MON2: variants seen among roughly 807,000 people sequenced by gnomAD.
The protein encoded by MON2 is MON2 regulator of endosome-to-Golgi trafficking.
Under a neutral mutation model 208.6 loss-of-function variants are expected in MON2, and 84 were observed. The ratio of observed to expected loss-of-function variants is 0.40; its 90% CI spans 0.34 to 0.48. The LOEUF (loss-of-function observed/expected upper bound fraction) is 0.48. Ranked by LOEUF, MON2 falls within the 20% of genes least tolerant of loss-of-function variation. MON2 has a pLI of 0.59. For missense variants in MON2, 1,611 were observed against 2,015.4 expected, an observed-to-expected ratio of 0.80 and a Z score of 3.84; for synonymous variants, 660 against 694.0, an observed-to-expected ratio of 0.95 and a Z score of 0.77.
intron 6 of MON2, 130 bp downstream of exon 6, chr12:62,501,010 A>G: frequency 2.0e-6 from 1 of 494,014 alleles, no homozygotes. Context: ...GTATTAAGAT[A>G]GTTCTAAAGA....
intron 11 of MON2, among the ~76,000 whole-genome samples, chr12:62,528,787 T>C (rs568797820): frequency 6.6e-6 from 1 of 152,334 alleles, no homozygotes; most frequent in South Asian, 2.1e-4. Context: ...CAAAGGCTAA[T>C]TGGCCTGGGA....
rs2073316006 is a variant in MON2, at chr12:62,543,153, C to A, written c.2421C>A (p.His807Gln). The A allele has an allele frequency of 6.3e-7, 1 of 1,575,318 alleles. No homozygotes were observed. Among genetic ancestry groups the A allele is most frequent in the Non-Finnish European group, 8.6e-7 (1 of 1,165,574 alleles). Reference protein sequence around the residue: ...KLLETGLVNMHRIEILWRPLT... With the variant: ...KLLETGLVNMQRIEILWRPLT... ...TAGAAACTGGTTTAGTTAATATGCA[C>A]CGAATAGAAATTCTGTGGAGACCTC... Residue 807 changes from histidine to glutamine, a missense_variant, in exon 20 of 35, where the codon CAC becomes CAA. Transcript: ENST00000393630.
At chr12:62,580,763 G>T (rs1194836056) in intron 32 of MON2, among the ~76,000 whole-genome samples, 1 of 152,168 alleles carries the variant, frequency 6.6e-6, no homozygotes, top group East Asian at 1.9e-4. Context: ...CAGGCTGACA[G>T]AAGTTACCAG....
intron 1 of MON2, among the ~76,000 whole-genome samples, chr12:62,468,072 A>C (rs1273307796): frequency 6.6e-6 from 1 of 151,930 alleles, no homozygotes; most frequent in Non-Finnish European, 1.5e-5. Flanking sequence ...ATGGAAATTT[A>C]ATTCTCCAAA....
chr12:62,486,705 GTTAAC>G (rs950664792), intron 2 of MON2, among the ~76,000 whole-genome samples: 2 of 151,962 alleles, frequency 1.3e-5, no homozygotes, highest in Non-Finnish European at 2.9e-5. Flanking sequence ...AAAATTTTTA[GTTAAC>G]TTTTTAAAAT....
In MON2 at chr12:62,592,530, T is replaced by C. The variant is rs1301243089; in HGVS notation, c.4991-56T>C. On this transcript the variant is annotated intron_variant, in intron 34 of 34. Transcript: ENST00000393630. ...GTTTAAAGGATTGTGTTCATGTTAA[T>C]TGAATAATCTCTATTTAATTCCACC... is the stretch of plus-strand genomic sequence containing the variant. 7.1e-6 allele frequency: 10 copies of C among 1,402,774 alleles called. No individual in the cohort carries two copies. In the African/African-American group the frequency reaches 1.4e-4, roughly 20 times the overall value. The allele number at this position is 1,402,774 out of a possible 1,614,324, so 86.9% of individuals were successfully genotyped here.
chr12:62,532,410 T>C, intron 11 of MON2, 28 bp from the exon 12 acceptor site: 1 of 1,479,710 alleles, frequency 6.8e-7, no homozygotes, highest in Non-Finnish European at 9.5e-7. Context: ...GGCTTCTCAT[T>C]AGTATTCTAT....
chr12:62,501,964 G>T (rs182891029), intron 7 of MON2, among the ~76,000 whole-genome samples: 186 of 152,204 alleles, frequency 1.2e-3, no homozygotes, highest in Non-Finnish European at 2.2e-3. Context: ...GCTCACCCCT[G>T]TAATCCCAGC....
At chr12:62,485,697 T>A (rs2069732347) in intron 2 of MON2, among the ~76,000 whole-genome samples, 1 of 152,064 alleles carries the variant, frequency 6.6e-6, no homozygotes, top group East Asian at 1.9e-4. Context: ...GTGGGTTTTT[T>A]TTGTTTGTCT....
intron 30 of MON2, among the ~76,000 whole-genome samples, chr12:62,572,604 C>A (rs1247221524): frequency 2.6e-5 from 4 of 152,104 alleles, no homozygotes; most frequent in African/African-American, 9.7e-5. Flanking sequence ...CACCACCACA[C>A]CTGGCTAATT....
intron 11 of MON2, among the ~76,000 whole-genome samples, chr12:62,529,687 A>G (rs1207081208): frequency 6.6e-6 from 1 of 152,042 alleles, no homozygotes; most frequent in Non-Finnish European, 1.5e-5. Context: ...CCTAAAAGAA[A>G]CCTCATACCC....
In MON2 at chr12:62,593,340, T is replaced by G. The variant is rs2075453517; in HGVS notation, c.*591T>G. The G allele has an allele frequency of 6.6e-6, 1 of 152,522 alleles. No homozygotes were observed. Among genetic ancestry groups the G allele is most frequent in the Admixed American group, 6.5e-5 (1 of 15,284 alleles). 9.4% of individuals were successfully genotyped at this position (152,522 alleles called of 1,614,324 possible). On this transcript the variant is annotated 3_prime_UTR_variant, in exon 35 of 35. Coordinates refer to ENST00000393630, the MANE Select transcript of MON2 (RefSeq NM_015026.3). ...GTTAAATGCTTAAAGCTCTATTTATTATTAATACAAAATTGTTTGCTTACA... is the reference window on the plus strand; with the variant it reads ...GTTAAATGCTTAAAGCTCTATTTATGATTAATACAAAATTGTTTGCTTACA...
intron 11 of MON2, among the ~76,000 whole-genome samples, chr12:62,526,675 C>T (rs1367939197): frequency 6.6e-6 from 1 of 152,114 alleles, no homozygotes; most frequent in Non-Finnish European, 1.5e-5. Context: ...TTCAATTTAA[C>T]AAATGCATAC....
intron 8 of MON2, among the ~76,000 whole-genome samples, chr12:62,518,527 C>A (rs993876992): frequency 1.3e-5 from 2 of 152,168 alleles, no homozygotes. Context: ...TCTTAGTTCT[C>A]GCTCTCTTTT....
intron 7 of MON2, among the ~76,000 whole-genome samples, chr12:62,505,138 A>C (rs2071035360): frequency 6.6e-6 from 1 of 152,226 alleles, no homozygotes; most frequent in South Asian, 2.1e-4. Flanking sequence ...AGGCAGTCTC[A>C]AAGATGATTT....
At chr12:62,474,915 T>C (rs1203627487) in intron 1 of MON2, among the ~76,000 whole-genome samples, 3 of 152,190 alleles carry the variant, frequency 2.0e-5, no homozygotes, top group Non-Finnish European at 4.4e-5. Flanking sequence ...TACTTCTCCT[T>C]TTTTCTGTTT....
intron 26 of MON2, 175 bp from the exon 27 acceptor site, chr12:62,565,061 AT>A: frequency 1.8e-6 from 1 of 560,922 alleles, no homozygotes; most frequent in Non-Finnish European, 3.0e-6. Context: ...GTTTCAGCCT[AT>A]ACTTTATTCT....
At chr12:62,539,694 A>G (rs1356375959) in intron 19 of MON2, among the ~76,000 whole-genome samples, 1 of 152,160 alleles carries the variant, frequency 6.6e-6, no homozygotes, top group Non-Finnish European at 1.5e-5. Flanking sequence ...ACCTAGCTAG[A>G]TAATTATATA....
intron 1 of MON2, among the ~76,000 whole-genome samples, chr12:62,468,732 C>A (rs1350247108): frequency 1.3e-5 from 2 of 152,028 alleles, no homozygotes; most frequent in Non-Finnish European, 2.9e-5. Context: ...ACAAGTAAAT[C>A]TAAAGAATTA....
Sources: gnomAD v4.1 joint callset for allele counts (sites outside exome capture counted in the v4.1 genomes callset) on GRCh38, gnomAD v4.1.1 for gene constraint, MANE v1.5 for transcripts, NCBI Gene and HGNC (gene_info 2026-07-23, HGNC 2026-07-21) for gene names.